Variants in CHD6 observed in about 807,000 individuals in gnomAD.
The protein encoded by CHD6 is chromodomain helicase DNA binding protein 6.
In CHD6, 50 loss-of-function variants were observed where a neutral mutation model predicts 276.9. The observed-to-expected ratio is 0.18, with a 90% CI of 0.14 to 0.23. The LOEUF is 0.23. CHD6 is among the 10% of genes least tolerant of loss of function. The pLI, the probability that CHD6 is intolerant of heterozygous loss-of-function variation, is 1.00. For synonymous variants in CHD6, 1,173 were observed against 1,229.3 expected (o/e 0.95, Z 0.96); for missense variants, 2,564 against 3,365.8 (o/e 0.76, Z 5.89).
rs917850791 is a variant in CHD6 at position 41,440,053 on chromosome 20, C to A, written c.3954G>T (p.Lys1318Asn). Reference sequence around the variant, plus strand: ...TAACACCCTGTTCTGCAGAAAGGGACTTCTCATCGGGCATCCCAACTTTCT... The same window carrying A: ...TAACACCCTGTTCTGCAGAAAGGGAATTCTCATCGGGCATCCCAACTTTCT... ...FLEKVGMPDE[K>N]SLSAEQGVTD... The change falls in exon 26 of 37, where the codon AAG (lysine) becomes AAT (asparagine). Residue 1318 changes from lysine to asparagine, a missense_variant. Coordinates refer to ENST00000373233, the MANE Select transcript of CHD6 (RefSeq NM_032221.5). The A allele has an allele frequency of 1.2e-6, 2 of 1,614,060 alleles. No individual in the cohort carries two copies. The highest frequency in any genetic ancestry group is 8.5e-7 in the Non-Finnish European group (1 of 1,179,940).
chr20:41,551,457 CAG>C lies in CHD6; in HGVS notation c.-23-99_-23-98del, dbSNP rs370098689. 1.0e-3 allele frequency: 631 copies of C among 610,674 alleles called. 3 individuals are homozygous for C. Among genetic ancestry groups the C allele is most frequent in the African/African-American group, 9.5e-3 (507 of 53,096 alleles). 37.8% of individuals were successfully genotyped at this position (610,674 alleles called of 1,614,324 possible). ...TACTGTAACACACAAGGAAAACAAA[CAG>C]GGGATTACTTCTGCAGAACATTTAT... On this transcript the variant is annotated intron_variant, in intron 1 of 36. Transcript: ENST00000373233.
intron 16 of CHD6, among the ~76,000 whole-genome samples, chr20:41,481,512 T>G (rs903555506): frequency 4.6e-5 from 7 of 152,020 alleles, no homozygotes; most frequent in Non-Finnish European, 7.4e-5. Context: ...GAGAGAATAA[T>G]TTTGAATTAC....
chr20:41,584,297 A>C lies in CHD6; in HGVS notation c.-23-32937T>G, dbSNP rs577923188. 2.4e-4 allele frequency among the ~76,000 whole-genome samples: 36 copies of C among 152,296 alleles called. No individual in the cohort carries two copies. In the South Asian group the frequency reaches 7.5e-3, roughly 32 times the overall value. On this transcript the variant is annotated intron_variant, in intron 1 of 36. Transcript: ENST00000373233. ...TCATCGAAAAGATATAACGATCCTT[A>C]ATATGTATGCACCTGACATCAGAGC...
At chr20:41,610,219 A>T (rs1449619685) in intron 1 of CHD6, among the ~76,000 whole-genome samples, 1 of 152,112 alleles carries the variant, frequency 6.6e-6, no homozygotes, top group Admixed American at 6.6e-5. Flanking sequence ...TCAATTTTGC[A>T]ATAGATTTTG....
At chr20:41,426,260 C>T (rs2047361086) in intron 27 of CHD6, 107 bp from the exon 28 acceptor site, 3 of 814,586 alleles carry the variant, frequency 3.7e-6, no homozygotes, top group Admixed American at 1.7e-5. Flanking sequence ...GAGCTGTCCC[C>T]TGCCCATGAA....
chr20:41,490,116 G>T (rs985091869), intron 11 of CHD6, 95 bp from the exon 12 acceptor site: 2 of 980,048 alleles, frequency 2.0e-6, no homozygotes, highest in Non-Finnish European at 3.1e-6. Flanking sequence ...ATACCTGTAA[G>T]ATTATCATTG....
At position 41,421,766 on chromosome 20, in the gene CHD6, G is replaced by A; in HGVS notation, c.4869C>T (p.Thr1623=). The stretch of plus-strand genomic sequence containing the variant: ...GGCAACAGAGATTTCCTGGTGCCTG[G>A]GTGCCAGATCTTTTATGCTGGGCAT... ...RNYAQHKRSG[T]QAPGNLCCLY... The change falls in exon 31 of 37, where the codon ACC becomes ACT. Residue 1623 remains threonine (T), a synonymous_variant. Coordinates refer to ENST00000373233, the MANE Select transcript of CHD6 (RefSeq NM_032221.5). 1 of 1,614,176 alleles carries A rather than the reference G, an allele frequency of 6.2e-7. No individual in the cohort carries two copies. The highest frequency in any genetic ancestry group is 1.3e-5 in the African/African-American group (1 of 75,046).
At chr20:41,567,439 G>A (rs568446471) in intron 1 of CHD6, among the ~76,000 whole-genome samples, 2 of 152,170 alleles carry the variant, frequency 1.3e-5, no homozygotes, top group South Asian at 4.2e-4. Flanking sequence ...CACCACCCTG[G>A]GGGAGACTTA....
rs6072370 is a variant in CHD6, at chr20:41,442,491, T to C, written c.3878-2362A>G. Among the ~76,000 whole-genome samples the C allele has an allele frequency of 5.6e-3, 846 of 152,248 alleles. 4 individuals carry two copies. Among genetic ancestry groups the C allele is most frequent in the Middle Eastern group, 0.01 (3 of 294 alleles). On this transcript the variant is annotated intron_variant, in intron 25 of 36. Coordinates refer to ENST00000373233, the MANE Select transcript of CHD6 (RefSeq NM_032221.5). Reference sequence around the variant, plus strand: ...CAAAACCTCAGTCAATGAACAGTCATGTGTTTCTTAACAAAGAAAATGGTT... The same window carrying C: ...CAAAACCTCAGTCAATGAACAGTCACGTGTTTCTTAACAAAGAAAATGGTT...
chr20:41,469,632 C>T (rs2043008395), intron 17 of CHD6, among the ~76,000 whole-genome samples: 1 of 152,128 alleles, frequency 6.6e-6, no homozygotes, highest in Non-Finnish European at 1.5e-5. Context: ...GCTGATGTGC[C>T]AGGACTAAAT....
chr20:41,475,635 T>C (rs1174835844), intron 16 of CHD6, among the ~76,000 whole-genome samples: 1 of 151,960 alleles, frequency 6.6e-6, no homozygotes, highest in Non-Finnish European at 1.5e-5. Flanking sequence ...AAAAACAGGG[T>C]TGAGATTCAA....
intron 1 of CHD6, among the ~76,000 whole-genome samples, chr20:41,555,266 G>A (rs1319320097): frequency 3.6e-5 from 5 of 138,152 alleles, no homozygotes; most frequent in East Asian, 2.6e-4. Flanking sequence ...TGGACGGGGC[G>A]GCTGGCCGGG....
At chr20:41,600,910 C>T (rs2045766907) in intron 1 of CHD6, among the ~76,000 whole-genome samples, 1 of 152,074 alleles carries the variant, frequency 6.6e-6, no homozygotes, top group Non-Finnish European at 1.5e-5. Context: ...CATACCCAGC[C>T]CCACTGTTGA....
intron 34 of CHD6, chr20:41,414,590 G>A (rs1431914206): frequency 1.1e-5 from 2 of 187,414 alleles, no homozygotes; most frequent in Non-Finnish European, 2.2e-5. Context: ...CTCTTGGCCA[G>A]GTATACGGTT....
At chr20:41,513,106 T>A in intron 4 of CHD6, 111 bp from the exon 5 acceptor site, 1 of 1,173,946 alleles carries the variant, frequency 8.5e-7, no homozygotes, top group Non-Finnish European at 1.2e-6. Flanking sequence ...TTTCTTGCCT[T>A]ACAAAAGAAA....
intron 23 of CHD6, 118 bp from the exon 24 acceptor site, chr20:41,448,089 T>A (rs1353817497): frequency 5.7e-6 from 3 of 525,748 alleles, no homozygotes; most frequent in Non-Finnish European, 1.0e-5. Context: ...TATTATGAAG[T>A]AATAGAAGAG....
chr20:41,404,434 A>G lies in CHD6; in HGVS notation c.*159T>C. Reference sequence around the variant, plus strand: ...TCTAATGAAGTGGTGAGACCCTGCAACTATTAACATCTGTTACCATAGTTC... The same window carrying G: ...TCTAATGAAGTGGTGAGACCCTGCAGCTATTAACATCTGTTACCATAGTTC... On this transcript the variant is annotated 3_prime_UTR_variant, in exon 37 of 37. Transcript: ENST00000373233. 7.5e-7 allele frequency: 1 copy of G among 1,329,204 alleles called. No homozygotes were observed. Among genetic ancestry groups the G allele is most frequent in the Non-Finnish European group, 9.6e-7 (1 of 1,040,950 alleles). The allele number at this position is 1,329,204 out of a possible 1,614,324, so 82.3% of individuals were successfully genotyped here. A position where few individuals can be genotyped will look rare whatever the true frequency, so the allele number is the denominator to read the frequency against.
intron 17 of CHD6, among the ~76,000 whole-genome samples, chr20:41,458,952 T>A (rs2048460316): frequency 6.6e-6 from 1 of 152,130 alleles, no homozygotes; most frequent in African/African-American, 2.4e-5. Context: ...TGTGAGTTAG[T>A]GGCAGAGCAA....
chr20:41,519,334 A>G (rs2044329630), intron 3 of CHD6, among the ~76,000 whole-genome samples: 1 of 152,344 alleles, frequency 6.6e-6, no homozygotes, highest in Middle Eastern at 3.4e-3. Context: ...AGGATCTAAC[A>G]AAACTACATA....
Sources: allele counts gnomAD v4.1 joint callset (sites outside exome capture counted in the v4.1 genomes callset), GRCh38; gene constraint gnomAD v4.1.1; transcripts MANE v1.5; gene names NCBI Gene and HGNC (gene_info 2026-07-23, HGNC 2026-07-21).